NBAS: variants seen among roughly 807,000 people sequenced by gnomAD.
NBAS encodes the protein NAG/BC035112 fusion.
In NBAS, 219 loss-of-function variants were observed where a neutral mutation model predicts 302.5. The observed-to-expected ratio is 0.72, with a 90% CI of 0.65 to 0.81. The LOEUF is 0.81. Among genes scored for constraint, NBAS ranks in the 30% least tolerant of loss-of-function variants. The probability of loss-of-function intolerance (pLI) is 0.00; values close to 1 mark genes in which losing one functional copy is unlikely to be tolerated. For missense variants in NBAS, 2,932 were observed against 2,841.6 expected, an observed-to-expected ratio of 1.03 and a Z score of -0.72; for synonymous variants, 1,118 against 1,021.6, an observed-to-expected ratio of 1.09 and a Z score of -1.80.
the NBAS span, among the ~76,000 whole-genome samples, chr2:15,153,805 G>A: frequency 6.6e-6 from 1 of 152,182 alleles, no homozygotes; most frequent in Non-Finnish European, 1.5e-5. Flanking sequence ...TAAAATGAAG[G>A]TAATTCTTTA....
At chr2:15,551,470 T>A in intron 6 of NBAS, 23 bp downstream of exon 6, 1 of 1,558,454 alleles carries the variant, frequency 6.4e-7, no homozygotes, top group South Asian at 1.1e-5. Flanking sequence ...TTTTCATTCT[T>A]TAAATATTTT....
intron 25 of NBAS, among the ~76,000 whole-genome samples, chr2:15,414,731 G>A (rs1676840925): frequency 1.3e-5 from 2 of 152,170 alleles, no homozygotes; most frequent in African/African-American, 4.8e-5. Context: ...GATCACCTGA[G>A]GTCAGGAGTT....
the NBAS span, among the ~76,000 whole-genome samples, chr2:14,954,847 A>T: frequency 6.6e-6 from 1 of 152,138 alleles, no homozygotes; most frequent in Non-Finnish European, 1.5e-5. Flanking sequence ...GGATTATGGG[A>T]ACTACAATAT....
At chr2:14,854,417 A>G in the NBAS span, among the ~76,000 whole-genome samples, 8 of 152,044 alleles carry the variant, frequency 5.3e-5, no homozygotes, top group South Asian at 2.1e-4. Flanking sequence ...CCCAGCAATG[A>G]CACCAACTTA....
At chr2:15,300,481 T>C (rs1217397145) in intron 40 of NBAS, among the ~76,000 whole-genome samples, 1 of 152,230 alleles carries the variant, frequency 6.6e-6, no homozygotes, top group Admixed American at 6.5e-5. Context: ...AAAACTCCTA[T>C]ATACTTAAAA....
rs184812257 is a variant in NBAS, at chr2:15,191,014, T to C, written c.6433-611A>G. ...ATAACTAAACGATTTTTCTTTTACA[T>C]TGAGGCAGTCCTAAAACAAATCACA... On this transcript the variant is annotated intron_variant, in intron 48 of 51. Coordinates refer to ENST00000281513, the MANE Select transcript of NBAS (RefSeq NM_015909.4). Among the ~76,000 whole-genome samples, 467 of 152,322 alleles carry C rather than the reference T, an allele frequency of 3.1e-3. 3 individuals carry two copies. The highest frequency in any genetic ancestry group is 4.3e-3 in the Non-Finnish European group (292 of 68,020).
the NBAS span, among the ~76,000 whole-genome samples, chr2:14,909,789 C>A: frequency 6.6e-6 from 1 of 152,088 alleles, no homozygotes; most frequent in Non-Finnish European, 1.5e-5. Context: ...ATGGGCACAG[C>A]GAGGTGCTAG....
chr2:15,540,764 C>T (rs1339109137), intron 6 of NBAS, among the ~76,000 whole-genome samples: 1 of 151,912 alleles, frequency 6.6e-6, no homozygotes, highest in Non-Finnish European at 1.5e-5. Context: ...ACTCTGTCAC[C>T]CAGACTGGAG....
At chr2:15,419,619 G>A (rs554203601) in intron 23 of NBAS, among the ~76,000 whole-genome samples, 1 of 152,264 alleles carries the variant, frequency 6.6e-6, no homozygotes, top group African/African-American at 2.4e-5. Flanking sequence ...CATGTTGCTT[G>A]TGAGGTGCCC....
intron 6 of NBAS, among the ~76,000 whole-genome samples, chr2:15,549,982 C>T (rs80083257): frequency 0.071 from 10,736 of 151,836 alleles, 456 homozygotes; most frequent in East Asian, 0.12. Flanking sequence ...GCAAGACCCT[C>T]GTCTCTACAA....
rs1672299326 is a variant in NBAS, at chr2:15,330,753, C to T, written c.4192G>A (p.Val1398Ile). ...SKAVQEDEVG[V>I]PGSNSADLLR... ...AGGTCAGCTGAATTGCTACCTGGAA[C>T]ACCTACTTCATCCTGTATTAAAGAA... Residue 1398 changes from valine to isoleucine, a missense_variant, in exon 36 of 52, where the codon GTT becomes ATT. Coordinates refer to ENST00000281513, the MANE Select transcript of NBAS (RefSeq NM_015909.4). 6.2e-7 allele frequency: 1 copy of T among 1,613,884 alleles called. No homozygotes were observed. Among genetic ancestry groups the T allele is most frequent in the Non-Finnish European group, 8.5e-7 (1 of 1,179,876 alleles).
chr2:15,445,163 C>T (rs1448440788), intron 21 of NBAS, among the ~76,000 whole-genome samples: 2 of 151,106 alleles, frequency 1.3e-5, no homozygotes, highest in Non-Finnish European at 2.9e-5. Flanking sequence ...GGGTATATAC[C>T]CAAAGGACTA....
chr2:14,863,149 C>T, the NBAS span, among the ~76,000 whole-genome samples: 36 of 152,184 alleles, frequency 2.4e-4, no homozygotes, highest in Non-Finnish European at 4.6e-4. Flanking sequence ...CATGACATAG[C>T]TCCACCTTTA....
At chr2:15,379,057 T>C (rs112841589) in intron 30 of NBAS, among the ~76,000 whole-genome samples, 4 of 152,174 alleles carry the variant, frequency 2.6e-5, no homozygotes, top group African/African-American at 9.6e-5. Flanking sequence ...GAACACACCT[T>C]TCTAGTGTTA....
intron 38 of NBAS, among the ~76,000 whole-genome samples, chr2:15,320,180 T>G (rs1335778637): frequency 6.6e-6 from 1 of 152,158 alleles, no homozygotes; most frequent in Non-Finnish European, 1.5e-5. Flanking sequence ...AGAAAAGGCC[T>G]TCGACAAAAT....
chr2:15,015,472 G>A, the NBAS span, among the ~76,000 whole-genome samples: 1 of 152,170 alleles, frequency 6.6e-6, no homozygotes, highest in Non-Finnish European at 1.5e-5. Flanking sequence ...GGCATGCAAA[G>A]ATGGTTCAAC....
intron 31 of NBAS, among the ~76,000 whole-genome samples, chr2:15,370,530 C>A (rs1375941505): frequency 6.6e-6 from 1 of 152,182 alleles, no homozygotes; most frequent in Non-Finnish European, 1.5e-5. Context: ...CTCCTGAGCT[C>A]AAGCAAACCA....
chr2:15,415,004 A>G (rs1158897796), intron 25 of NBAS, among the ~76,000 whole-genome samples: 2 of 152,210 alleles, frequency 1.3e-5, no homozygotes, highest in African/African-American at 4.8e-5. Flanking sequence ...AATTTGCATA[A>G]ATACTGTGAA....
At chr2:15,485,552 T>C (rs1680588220) in intron 12 of NBAS, among the ~76,000 whole-genome samples, 2 of 152,244 alleles carry the variant, frequency 1.3e-5, no homozygotes, top group African/African-American at 4.8e-5. Context: ...CTCAGCTCTA[T>C]TGCTTACTTG....
Sources: gnomAD v4.1 joint callset for allele counts (sites outside exome capture counted in the v4.1 genomes callset) on GRCh38, gnomAD v4.1.1 for gene constraint, MANE v1.5 for transcripts, NCBI Gene and HGNC (gene_info 2026-07-23, HGNC 2026-07-21) for gene names.